CNTNAP5: variants seen among roughly 807,000 people sequenced by gnomAD.
CNTNAP5 encodes contactin-associated protein-like 5.
CNTNAP5 carries 72 observed loss-of-function variants against 150.2 expected under a neutral mutation model. The observed-to-expected ratio is 0.48, with a 90% CI of 0.40 to 0.58. The LOEUF (loss-of-function observed/expected upper bound fraction) is 0.58, where lower values mean the gene tolerates loss of function less well. Ranked by LOEUF, CNTNAP5 falls within the 20% of genes least tolerant of loss-of-function variation. CNTNAP5 has a pLI of 0.00. For missense variants in CNTNAP5, 1,636 were observed against 1,626.2 expected, an observed-to-expected ratio of 1.01 and a Z score of -0.10; for synonymous variants, 672 against 619.8, an observed-to-expected ratio of 1.08 and a Z score of -1.25.
chr2:124,330,491 T>A (rs1355508888), intron 3 of CNTNAP5, among the ~76,000 whole-genome samples: 2 of 152,142 alleles, frequency 1.3e-5, no homozygotes, highest in African/African-American at 4.8e-5. Flanking sequence ...CCCATGCTGT[T>A]CTTGTGATAG....
At chr2:124,865,150 G>A (rs1318431984) in intron 19 of CNTNAP5, among the ~76,000 whole-genome samples, 156 bp from the exon 20 acceptor site, 1 of 151,276 alleles carries the variant, frequency 6.6e-6, no homozygotes, top group Non-Finnish European at 1.5e-5. Context: ...TTTTCTTTAG[G>A]GACCCTGATA....
At chr2:124,152,485 GTTC>G (rs1286780490) in intron 1 of CNTNAP5, among the ~76,000 whole-genome samples, 2 of 152,104 alleles carry the variant, frequency 1.3e-5, no homozygotes, top group East Asian at 3.9e-4. Context: ...TCATTCCTTT[GTTC>G]TTAAGTATTC....
intron 13 of CNTNAP5, among the ~76,000 whole-genome samples, chr2:124,688,029 C>G (rs902836949): frequency 2.4e-4 from 36 of 152,028 alleles, no homozygotes; most frequent in Non-Finnish European, 1.5e-5. Flanking sequence ...TAGGGTCACA[C>G]CCCCTCCAGA....
chr2:124,178,047 A>G (rs1238358175), intron 1 of CNTNAP5, among the ~76,000 whole-genome samples: 1 of 151,926 alleles, frequency 6.6e-6, no homozygotes, highest in Non-Finnish European at 1.5e-5. Context: ...GAGTTTTACT[A>G]TGTTGGCCAG....
chr2:124,280,775 AT>A (rs1687993722), intron 3 of CNTNAP5, among the ~76,000 whole-genome samples: 1 of 152,114 alleles, frequency 6.6e-6, no homozygotes, highest in Admixed American at 6.6e-5. Flanking sequence ...TAAAAAAAAA[AT>A]ACATTTATTT....
chr2:124,076,629 A>G (rs1682444486), intron 1 of CNTNAP5, among the ~76,000 whole-genome samples: 1 of 151,536 alleles, frequency 6.6e-6, no homozygotes, highest in Non-Finnish European at 1.5e-5. Context: ...TGACACCCCT[A>G]TTTTCTTCCC....
intron 3 of CNTNAP5, among the ~76,000 whole-genome samples, chr2:124,279,799 T>C (rs1687969440): frequency 6.6e-6 from 1 of 152,106 alleles, no homozygotes; most frequent in Non-Finnish European, 1.5e-5. Flanking sequence ...GGTTTCCCAC[T>C]TTCTGGTGAA....
At chr2:124,434,889 T>C (rs1194001759) in intron 5 of CNTNAP5, among the ~76,000 whole-genome samples, 2 of 152,214 alleles carry the variant, frequency 1.3e-5, no homozygotes, top group Non-Finnish European at 2.9e-5. Context: ...AGTTGCAAAC[T>C]CATTGTTATG....
chr2:124,320,012 G>A (rs922806816), intron 3 of CNTNAP5, among the ~76,000 whole-genome samples: 1 of 152,150 alleles, frequency 6.6e-6, no homozygotes, highest in African/African-American at 2.4e-5. Context: ...AACTGATTCT[G>A]TTTTAATGTC....
intron 1 of CNTNAP5, among the ~76,000 whole-genome samples, chr2:124,157,699 A>G (rs1333412773): frequency 6.6e-6 from 1 of 152,196 alleles, no homozygotes; most frequent in Non-Finnish European, 1.5e-5. Context: ...AAGGGCATCT[A>G]TAGGAGGTGC....
In CNTNAP5 at chr2:124,257,242, G is replaced by A. The variant is rs370673059; in HGVS notation, c.381+14849G>A. On this transcript the variant is annotated intron_variant, in intron 3 of 23. Coordinates refer to ENST00000682447, the MANE Select transcript of CNTNAP5 (RefSeq NM_001367498.1). ...GTGGTAATTTGTTATGGCAACCATAGGAAAACAGTACTCTTTAAATATTCA... is the reference window on the plus strand; with the variant it reads ...GTGGTAATTTGTTATGGCAACCATAAGAAAACAGTACTCTTTAAATATTCA... 2.6e-5 allele frequency among the ~76,000 whole-genome samples: 4 copies of A among 152,284 alleles called. No homozygotes were observed. The East Asian group carries it at 5.8e-4, about 22-fold the overall frequency.
intron 1 of CNTNAP5, among the ~76,000 whole-genome samples, chr2:124,097,500 C>A (rs1682962369): frequency 6.6e-6 from 1 of 152,168 alleles, no homozygotes; most frequent in Non-Finnish European, 1.5e-5. Context: ...TCTCCCATTC[C>A]CCTCGCCACT....
chr2:124,681,932 A>G lies in CNTNAP5; in HGVS notation c.2077+33974A>G, dbSNP rs544137157. 1.1e-3 allele frequency among the ~76,000 whole-genome samples: 168 copies of G among 152,160 alleles called. 1 individual carries two copies. The highest frequency in any genetic ancestry group is 2.1e-3 in the Non-Finnish European group (140 of 67,994). On this transcript the variant is annotated intron_variant, in intron 13 of 23. Transcript: ENST00000682447. ...TCCTAGTGATTATGTCTCTGTCAGT[A>G]TAATTTAGTGGCCAGCCAATGAGTG...
intron 1 of CNTNAP5, among the ~76,000 whole-genome samples, chr2:124,070,317 A>T (rs1682269309): frequency 6.6e-6 from 1 of 151,136 alleles, no homozygotes; most frequent in Non-Finnish European, 1.5e-5. Context: ...GGTAGGAGTA[A>T]GTCCTCACTT....
chr2:124,482,430 G>A (rs1261118438), intron 7 of CNTNAP5, among the ~76,000 whole-genome samples: 1 of 152,146 alleles, frequency 6.6e-6, no homozygotes, highest in Admixed American at 6.5e-5. Context: ...CTTATGGAAA[G>A]CAATCCACCA....
rs767569935 is a variant in CNTNAP5, at chr2:124,903,003, C to T, written c.3558C>T (p.Val1186=). The change falls in exon 22 of 24, where the codon GTC becomes GTT. Residue 1186 remains valine, a synonymous_variant. Transcript: ENST00000682447. ...AGGCTGCCCTGCGCCATGCCACTGT[C>T]GCGCCTGTGACTGTCCATGGGACCT... is the stretch of plus-strand genomic sequence containing the variant. The part of the protein sequence containing the change: ...PLKAALRHAT[V]APVTVHGTLT... 1.2e-5 allele frequency: 20 copies of T among 1,611,818 alleles called. No individual in the cohort carries two copies. The highest frequency in any genetic ancestry group is 3.3e-5 in the Admixed American group (2 of 59,788).
At chr2:124,363,495 GT>G (rs1690274903) in intron 3 of CNTNAP5, among the ~76,000 whole-genome samples, 2 of 152,060 alleles carry the variant, frequency 1.3e-5, no homozygotes, top group Non-Finnish European at 1.5e-5. Flanking sequence ...TCTTCCAATA[GT>G]TCCCAAATCT....
intron 3 of CNTNAP5, among the ~76,000 whole-genome samples, chr2:124,362,527 A>G (rs1690241550): frequency 1.3e-5 from 2 of 152,190 alleles, no homozygotes; most frequent in African/African-American, 2.4e-5. Flanking sequence ...TATTTTTTAA[A>G]TCACTGTTTA....
intron 1 of CNTNAP5, among the ~76,000 whole-genome samples, chr2:124,076,041 A>G (rs1399055875): frequency 6.6e-6 from 1 of 152,198 alleles, no homozygotes; most frequent in Non-Finnish European, 1.5e-5. Flanking sequence ...TATGGAAAAG[A>G]AAATTGAGTC....
Sources: allele counts gnomAD v4.1 joint callset (sites outside exome capture counted in the v4.1 genomes callset), GRCh38; gene constraint gnomAD v4.1.1; transcripts MANE v1.5; gene names NCBI Gene and HGNC (gene_info 2026-07-23, HGNC 2026-07-21).